The following GABRA1 variants were observed in gnomAD, a reference collection of about 807,000 sequenced individuals.
GABRA1 encodes the protein gamma-aminobutyric acid receptor subunit alpha-1.
GABRA1 carries 9 observed loss-of-function variants against 48.9 expected under a neutral mutation model. That is an observed-to-expected ratio of 0.18 (90% CI 0.11 to 0.32). GABRA1 has a LOEUF of 0.32. GABRA1 is among the 10% of genes least tolerant of loss of function. The pLI is 1.00. For synonymous variants in GABRA1, 210 were observed against 198.7 expected, an observed-to-expected ratio of 1.06 and a Z score of -0.48; for missense variants, 285 against 553.8, an observed-to-expected ratio of 0.51 and a Z score of 4.87.
intron 8 of GABRA1, among the ~76,000 whole-genome samples, chr5:161,893,822 T>TA (rs953420445): frequency 2.2e-4 from 34 of 152,080 alleles, no homozygotes; most frequent in African/African-American, 6.7e-4. Context: ...ATTTAGCAAA[T>TA]AAAAAAAATA....
intron 9 of GABRA1, among the ~76,000 whole-genome samples, chr5:161,896,329 TC>T (rs1755367050): frequency 6.6e-6 from 1 of 152,192 alleles, no homozygotes; most frequent in African/African-American, 2.4e-5. Flanking sequence ...ACATGAACCA[TC>T]CCTAGTTCTC....
chr5:161,885,548 A>G (rs548221007), intron 7 of GABRA1, among the ~76,000 whole-genome samples: 4 of 152,124 alleles, frequency 2.6e-5, no homozygotes, highest in Non-Finnish European at 5.9e-5. Flanking sequence ...ACATAAACAC[A>G]CAATCCTACT....
intron 3 of GABRA1, among the ~76,000 whole-genome samples, chr5:161,863,802 C>T (rs182685415): frequency 5.3e-5 from 8 of 151,614 alleles, no homozygotes; most frequent in African/African-American, 1.2e-4. Flanking sequence ...ACGCCTCAAG[C>T]GTACCCTACA....
At chr5:161,850,949 G>A in intron 2 of GABRA1, 65 bp downstream of exon 2, 2 of 1,339,534 alleles carry the variant, frequency 1.5e-6, no homozygotes, top group African/African-American at 2.9e-5. Flanking sequence ...TTTATCGGGG[G>A]AAGAAAATTG....
chr5:161,858,328 C>T (rs1198550317), intron 3 of GABRA1, among the ~76,000 whole-genome samples: 1 of 151,656 alleles, frequency 6.6e-6, no homozygotes, highest in Admixed American at 6.6e-5. Flanking sequence ...AAATTTCAGT[C>T]ACTTTCATAT....
chr5:161,871,966 C>T (rs1754140749), intron 4 of GABRA1, among the ~76,000 whole-genome samples: 1 of 152,094 alleles, frequency 6.6e-6, no homozygotes, highest in Non-Finnish European at 1.5e-5. Flanking sequence ...TTGCTTAAGC[C>T]CTTGGAAGGA....
At position 161,899,467 on chromosome 5, in the gene GABRA1, A is replaced by C. The variant is rs1219207253; in HGVS notation, c.*2045A>C. The stretch of plus-strand genomic sequence containing the variant: ...GCGTTATACTAATGTGTTTATTGAG[A>C]GCATTTTACCTTCCAGACTTCTCAT... On this transcript the variant is annotated 3_prime_UTR_variant, in exon 10 of 10. Coordinates refer to ENST00000393943, the MANE Select transcript of GABRA1 (RefSeq NM_001127644.2). 6.6e-6 allele frequency: 1 copy of C among 152,102 alleles called. No homozygotes were observed. Among genetic ancestry groups the C allele is most frequent in the African/African-American group, 2.4e-5 (1 of 41,418 alleles). 9.4% of individuals were successfully genotyped at this position (152,102 alleles called of 1,614,324 possible).
At chr5:161,872,642 A>T (rs1041461652) in intron 4 of GABRA1, among the ~76,000 whole-genome samples, 3 of 152,090 alleles carry the variant, frequency 2.0e-5, no homozygotes, top group African/African-American at 7.2e-5. Flanking sequence ...TTGGAATCAC[A>T]ATTTACTTGG....
At chr5:161,892,297 A>C (rs1434189208) in intron 8 of GABRA1, among the ~76,000 whole-genome samples, 1 of 152,248 alleles carries the variant, frequency 6.6e-6, no homozygotes, top group Admixed American at 6.5e-5. Flanking sequence ...CTTATAGTCT[A>C]AACTGAGGAT....
At chr5:161,887,298 A>C (rs1754892410) in intron 7 of GABRA1, among the ~76,000 whole-genome samples, 1 of 152,278 alleles carries the variant, frequency 6.6e-6, no homozygotes, top group South Asian at 2.1e-4. Context: ...AGAAGGGTCA[A>C]GATAATAAGA....
At chr5:161,848,908 T>G (rs1021660533) in intron 1 of GABRA1, 1 of 452,676 alleles carries the variant, frequency 2.2e-6, no homozygotes, top group African/African-American at 2.0e-5. Context: ...CACGCTCTTG[T>G]CCTGGCTGCA....
At chr5:161,875,381 A>C (rs1306601115) in intron 5 of GABRA1, among the ~76,000 whole-genome samples, 179 bp from the exon 6 acceptor site, 2 of 152,174 alleles carry the variant, frequency 1.3e-5, no homozygotes, top group African/African-American at 2.4e-5. Flanking sequence ...AAAGGATAGA[A>C]TCCACTCATT....
At chr5:161,875,483 T>C in intron 5 of GABRA1, 77 bp from the exon 6 acceptor site, 2 of 1,134,564 alleles carry the variant, frequency 1.8e-6, no homozygotes, top group Non-Finnish European at 1.3e-6. Context: ...TTGCTACAGT[T>C]AATAACATTC....
chr5:161,883,896 A>AAT (rs1754725746), intron 7 of GABRA1, among the ~76,000 whole-genome samples: 1 of 152,002 alleles, frequency 6.6e-6, no homozygotes, highest in African/African-American at 2.4e-5. Context: ...TTTTTAAAAA[A>AAT]TGGAAACTGT....
At chr5:161,855,631 T>G (rs540630137) in intron 3 of GABRA1, among the ~76,000 whole-genome samples, 1 of 151,444 alleles carries the variant, frequency 6.6e-6, no homozygotes, top group South Asian at 2.1e-4. Context: ...CATTTAAACA[T>G]CTCAATTGGC....
At chr5:161,884,223 T>A (rs1355672111) in intron 7 of GABRA1, among the ~76,000 whole-genome samples, 1 of 152,110 alleles carries the variant, frequency 6.6e-6, no homozygotes, top group African/African-American at 2.4e-5. Flanking sequence ...TTACAACATA[T>A]TATGTTGGAA....
intron 3 of GABRA1, among the ~76,000 whole-genome samples, chr5:161,859,481 G>GA (rs1011267839): frequency 6.6e-6 from 1 of 151,698 alleles, no homozygotes; most frequent in African/African-American, 2.4e-5. Flanking sequence ...GTAAAAGTAA[G>GA]AAAAAATGGA....
intron 7 of GABRA1, among the ~76,000 whole-genome samples, chr5:161,884,752 T>C (rs1754770260): frequency 6.6e-6 from 1 of 152,174 alleles, no homozygotes; most frequent in Non-Finnish European, 1.5e-5. Flanking sequence ...TATGCAGGCA[T>C]ATATGTATGA....
chr5:161,894,441 T>C (rs901591957), intron 8 of GABRA1, among the ~76,000 whole-genome samples: 1 of 152,164 alleles, frequency 6.6e-6, no homozygotes, highest in South Asian at 2.1e-4. Flanking sequence ...AGCAAAAATG[T>C]CCTTCTCCTA....
Sources: gnomAD v4.1 joint callset for allele counts (sites outside exome capture counted in the v4.1 genomes callset) on GRCh38, gnomAD v4.1.1 for gene constraint, MANE v1.5 for transcripts, NCBI Gene and HGNC (gene_info 2026-07-23, HGNC 2026-07-21) for gene names.